Variants in MED13 observed in about 807,000 individuals in gnomAD.
MED13 encodes mediator complex subunit 13.
In MED13, 23 loss-of-function variants were observed where a neutral mutation model predicts 225.2. The ratio of observed to expected loss-of-function variants is 0.10; its 90% CI spans 0.07 to 0.14. The LOEUF is 0.14. Ranked by LOEUF, MED13 falls within the 10% of genes least tolerant of loss-of-function variation. The probability of loss-of-function intolerance (pLI) is 1.00; values close to 1 mark genes in which losing one functional copy is unlikely to be tolerated. For synonymous variants in MED13, 942 were observed against 889.2 expected (o/e 1.06, Z -1.06); for missense variants, 2,197 against 2,594.5 (o/e 0.85, Z 3.33).
chr17:61,993,195 TC>T (rs1567964986), intron 10 of MED13, among the ~76,000 whole-genome samples: 128 of 138,084 alleles, frequency 9.3e-4, no homozygotes, highest in African/African-American at 3.5e-3. Context: ...TTTCTTTCTT[TC>T]TTTCTTTTTT....
intron 17 of MED13, among the ~76,000 whole-genome samples, chr17:61,971,559 CA>C (rs2080109388): frequency 1.3e-5 from 2 of 152,092 alleles, no homozygotes; most frequent in Non-Finnish European, 2.9e-5. Flanking sequence ...CCTTGGCCTT[CA>C]AAAGTGCTAA....
chr17:61,956,271 C>A (rs182836443), intron 24 of MED13, 68 bp downstream of exon 24: 2 of 1,449,148 alleles, frequency 1.4e-6, no homozygotes, highest in African/African-American at 1.4e-5. Context: ...TATACCTAGA[C>A]GTGGTCAGAA....
chr17:62,039,812 T>C (rs1468656962), intron 3 of MED13, among the ~76,000 whole-genome samples: 1 of 152,102 alleles, frequency 6.6e-6, no homozygotes, highest in Non-Finnish European at 1.5e-5. Context: ...TTGGCCAGAC[T>C]GGTCTTGAAC....
intron 9 of MED13, chr17:62,005,985 G>C (rs1272978237): frequency 6.6e-6 from 1 of 152,072 alleles, no homozygotes; most frequent in East Asian, 1.9e-4. Flanking sequence ...CACTCGGCTA[G>C]GTATTTTAAC....
chr17:61,956,921 G>A (rs1013558836), intron 23 of MED13, among the ~76,000 whole-genome samples: 3 of 152,050 alleles, frequency 2.0e-5, no homozygotes, highest in Non-Finnish European at 4.4e-5. Context: ...AGTCCTAAGC[G>A]AGAATATTCA....
In MED13 at chr17:62,052,742, A is replaced by G. The variant is rs1258679530; in HGVS notation, c.302-37T>C. The G allele has an allele frequency of 2.7e-6, 4 of 1,482,714 alleles. No individual in the cohort carries two copies. The East Asian group carries it at 9.3e-5, about 34-fold the overall frequency. 91.8% of individuals were successfully genotyped at this position (1,482,714 alleles called of 1,614,324 possible). A position where few individuals can be genotyped will look rare whatever the true frequency, so the allele number is the denominator to read the frequency against. On this transcript the variant is annotated intron_variant, in intron 2 of 29. Transcript: ENST00000397786. ...ATGAAGGAAATAATAAAATAGTGACACTATAATCTATTCAGAGCCAAGTAA... is the reference window on the plus strand; with the variant it reads ...ATGAAGGAAATAATAAAATAGTGACGCTATAATCTATTCAGAGCCAAGTAA...
intron 10 of MED13, among the ~76,000 whole-genome samples, chr17:61,993,064 C>A (rs748928695): frequency 3.3e-5 from 5 of 151,878 alleles, no homozygotes; most frequent in Non-Finnish European, 7.4e-5. Context: ...CACGCCTGGC[C>A]TGTGGTATGT....
At chr17:62,032,122 G>T (rs1203623880) in intron 5 of MED13, among the ~76,000 whole-genome samples, 2 of 151,496 alleles carry the variant, frequency 1.3e-5, no homozygotes, top group African/African-American at 2.4e-5. Flanking sequence ...GTAGTAATGG[G>T]TTTATTTAAA....
chr17:61,972,697 A>G, intron 17 of MED13, 30 bp downstream of exon 17: 2 of 1,538,858 alleles, frequency 1.3e-6, no homozygotes, highest in Non-Finnish European at 1.7e-6. Context: ...ATATAAAATT[A>G]GTCATTATAT....
chr17:62,015,915 C>CACATATATATATATATATAT (rs1230248036), intron 8 of MED13, among the ~76,000 whole-genome samples: 1 of 8,608 alleles, frequency 1.2e-4, no homozygotes, highest in Non-Finnish European at 2.2e-4. Context: ...ACACTATACA[C>CACATATATATATATATATAT]ATATATATAT....
chr17:61,951,746 C>CT (rs1329540891), intron 27 of MED13, among the ~76,000 whole-genome samples: 2 of 152,074 alleles, frequency 1.3e-5, no homozygotes, highest in Admixed American at 1.3e-4. Context: ...ATTACTGGTG[C>CT]TTTTTGTTAT....
rs2079837154 is a variant in MED13 at position 61,944,375 on chromosome 17, T to G, written c.*2093A>C. 1.3e-5 allele frequency: 2 copies of G among 151,546 alleles called. No homozygotes were observed. Among genetic ancestry groups the G allele is most frequent in the African/African-American group, 2.4e-5 (1 of 41,092 alleles). 9.4% of individuals were successfully genotyped at this position (151,546 alleles called of 1,614,324 possible). ...TTTTCCTTCAAATCTCAGACAAGTTTTTTTTTTTTTTTTAAAGAAAGTACA... is the reference window on the plus strand; with the variant it reads ...TTTTCCTTCAAATCTCAGACAAGTTGTTTTTTTTTTTTTAAAGAAAGTACA... On this transcript the variant is annotated 3_prime_UTR_variant, in exon 30 of 30. Coordinates refer to ENST00000397786, the MANE Select transcript of MED13 (RefSeq NM_005121.3).
In MED13 at chr17:61,972,582, A is replaced by G. The variant is rs530672951; in HGVS notation, c.3967+145T>C. 1.7e-5 allele frequency: 12 copies of G among 720,242 alleles called. 1 individual carries two copies. Among genetic ancestry groups the G allele is most frequent in the South Asian group, 7.5e-5 (3 of 39,934 alleles). 44.6% of individuals were successfully genotyped at this position (720,242 alleles called of 1,614,324 possible). A position where few individuals can be genotyped will look rare whatever the true frequency, so the allele number is the denominator to read the frequency against. On this transcript the variant is annotated intron_variant, in intron 17 of 29. Transcript: ENST00000397786. ...TAAGCTGAATGTTGGAAATGGTGGG[A>G]AAAAAAGCTAGGATTGGACCACAGT...
intron 2 of MED13, among the ~76,000 whole-genome samples, chr17:62,055,456 A>G (rs1034446289): frequency 2.6e-5 from 4 of 152,154 alleles, no homozygotes; most frequent in African/African-American, 9.7e-5. Context: ...TTTTCACATG[A>G]AATTCTGAAA....
Position 61,982,352 on chromosome 17 carries a change from A to T in MED13, c.3651T>A (p.Ile1217=). Residue 1217 remains isoleucine, a synonymous_variant, in exon 16 of 30, where the codon ATT becomes ATA. Coordinates refer to ENST00000397786, the MANE Select transcript of MED13 (RefSeq NM_005121.3). The part of the protein sequence containing the change: ...DQDPFPKSGV[I]SNWVRVEERD... ...GCTCTTCAACACGTACCCAATTGCT[A>T]ATTACACCACTTTTAGGAAAAGGAT... 6.2e-7 allele frequency: 1 copy of T among 1,614,202 alleles called. No individual in the cohort carries two copies. The highest frequency in any genetic ancestry group is 2.2e-5 in the East Asian group (1 of 44,888).
chr17:61,969,667 T>C (rs2080090213), intron 17 of MED13, among the ~76,000 whole-genome samples: 1 of 152,118 alleles, frequency 6.6e-6, no homozygotes, highest in African/African-American at 2.4e-5. Flanking sequence ...AGTGGTGCGA[T>C]CTCCACTCAC....
intron 26 of MED13, 123 bp downstream of exon 26, chr17:61,955,259 C>T: frequency 1.3e-6 from 1 of 783,298 alleles, no homozygotes; most frequent in Non-Finnish European, 1.9e-6. Context: ...AGATCCTTAA[C>T]TTATCACATC....
intron 17 of MED13, among the ~76,000 whole-genome samples, chr17:61,968,804 T>C (rs2143390339): frequency 6.6e-6 from 1 of 152,344 alleles, no homozygotes; most frequent in Non-Finnish European, 1.5e-5. Flanking sequence ...CAGATTAGAC[T>C]GCAGTGGAAC....
At chr17:61,955,977 C>T (rs907119942) in intron 24 of MED13, 139 bp from the exon 25 acceptor site, 13 of 1,306,734 alleles carry the variant, frequency 9.9e-6, no homozygotes, top group Middle Eastern at 2.8e-4. Context: ...TCCTCCAACA[C>T]GAGTCATCAT....
Sources: allele counts gnomAD v4.1 joint callset (sites outside exome capture counted in the v4.1 genomes callset), GRCh38; gene constraint gnomAD v4.1.1; transcripts MANE v1.5; gene names NCBI Gene and HGNC (gene_info 2026-07-23, HGNC 2026-07-21).